The following KATNAL2 variants were observed in gnomAD, a reference collection of about 807,000 sequenced individuals.
The protein encoded by KATNAL2 is katanin p60 ATPase-containing subunit A-like 2.
In KATNAL2, 52 loss-of-function variants were observed where a neutral mutation model predicts 76.3. That is an observed-to-expected ratio of 0.68 (90% CI 0.55 to 0.86). The LOEUF (loss-of-function observed/expected upper bound fraction) is 0.86. Ranked by LOEUF, KATNAL2 falls within the 40% of genes least tolerant of loss-of-function variation. The pLI is 0.00. For missense variants in KATNAL2, 660 were observed against 668.9 expected, an observed-to-expected ratio of 0.99 and a Z score of 0.15; for synonymous variants, 243 against 244.2, an observed-to-expected ratio of 1.00 and a Z score of 0.05.
At chr18:47,045,379 G>A (rs1273343135) in intron 3 of KATNAL2, among the ~76,000 whole-genome samples, 2 of 148,168 alleles carry the variant, frequency 1.3e-5, no homozygotes, top group Non-Finnish European at 3.0e-5. Context: ...AGCTTGGAGT[G>A]CAGTGGCAAG....
At chr18:47,034,770 G>A (rs765538822) in intron 3 of KATNAL2, 8 of 1,612,506 alleles carry the variant, frequency 5.0e-6, no homozygotes, top group South Asian at 3.3e-5. Flanking sequence ...GATAGCGGCC[G>A]GAATCAGCTG....
At chr18:46,938,100 A>T (rs535703948) in intron 1 of KATNAL2, among the ~76,000 whole-genome samples, 5 of 151,540 alleles carry the variant, frequency 3.3e-5, no homozygotes, top group African/African-American at 4.8e-5. Flanking sequence ...TCAAAAAATT[A>T]AAAAAAAATG....
intron 15 of KATNAL2, among the ~76,000 whole-genome samples, chr18:47,092,477 TGACA>T (rs1361872885): frequency 6.6e-6 from 1 of 152,026 alleles, no homozygotes; most frequent in African/African-American, 2.4e-5. Context: ...CTAGGCTGGG[TGACA>T]GAGTGAGTGA....
intron 3 of KATNAL2, chr18:46,968,659 TC>T (rs142340842): frequency 8.8e-6 from 2 of 227,858 alleles, no homozygotes; most frequent in Non-Finnish European, 1.4e-5. Flanking sequence ...TTGGCCCTCC[TC>T]CCCCCAGATT....
Position 46,946,938 on chromosome 18 carries a change from T to C in KATNAL2, c.51+15T>C, listed in dbSNP as rs143094010. ...CGCGGGAAGCGGTAAGGAACGCATA[T>C]ATAAAACATGATTATACCAAGAACC... On this transcript the variant is annotated intron_variant, in intron 3 of 17. Coordinates refer to ENST00000683218, the MANE Select transcript of KATNAL2 (RefSeq NM_001387690.1). 15 of 1,479,314 alleles carry C rather than the reference T, an allele frequency of 1.0e-5. No homozygotes were observed. In the Middle Eastern group the frequency reaches 1.0e-3, roughly 101 times the overall value. The allele number at this position is 1,479,314 out of a possible 1,614,324, so 91.6% of individuals were successfully genotyped here. A position where few individuals can be genotyped will look rare whatever the true frequency, so the allele number is the denominator to read the frequency against.
chr18:47,064,291 A>C (rs1395716887), intron 10 of KATNAL2, among the ~76,000 whole-genome samples: 1 of 152,128 alleles, frequency 6.6e-6, no homozygotes, highest in Non-Finnish European at 1.5e-5. Flanking sequence ...GAAATCGCTA[A>C]GGGAAAAAGT....
chr18:47,049,234 G>C (rs1223719145), intron 4 of KATNAL2, among the ~76,000 whole-genome samples: 1 of 152,104 alleles, frequency 6.6e-6, no homozygotes, highest in South Asian at 2.1e-4. Context: ...GGAGTAATGG[G>C]GTATAGCTAA....
intron 3 of KATNAL2, among the ~76,000 whole-genome samples, chr18:46,959,447 A>G (rs2059866681): frequency 6.6e-6 from 1 of 152,076 alleles, no homozygotes; most frequent in Admixed American, 6.5e-5. Context: ...CCACATTAGT[A>G]CTCTTGGAAC....
chr18:46,944,160 C>A (rs981951462), intron 1 of KATNAL2, among the ~76,000 whole-genome samples: 2 of 152,084 alleles, frequency 1.3e-5, no homozygotes, highest in Non-Finnish European at 2.9e-5. Context: ...TGTTAACTAG[C>A]AGATTTGTGT....
chr18:47,076,711 G>C (rs1287651241), intron 14 of KATNAL2: 3 of 151,380 alleles, frequency 2.0e-5, no homozygotes, highest in African/African-American at 7.3e-5. Flanking sequence ...AGGAATTATA[G>C]TTATGGGCAA....
intron 14 of KATNAL2, among the ~76,000 whole-genome samples, chr18:47,075,932 T>G (rs975214334): frequency 1.3e-5 from 2 of 152,256 alleles, no homozygotes; most frequent in Admixed American, 1.3e-4. Context: ...GCAGGAACAC[T>G]TCTCAGACTG....
chr18:46,923,399 CTCA>C (rs2058633589), intron 1 of KATNAL2, among the ~76,000 whole-genome samples: 1 of 152,034 alleles, frequency 6.6e-6, no homozygotes, highest in Non-Finnish European at 1.5e-5. Context: ...AGGACATGAA[CTCA>C]TCATTTTTTA....
At chr18:47,034,696 C>T in intron 3 of KATNAL2, 1 of 1,613,030 alleles carries the variant, frequency 6.2e-7, no homozygotes, top group Non-Finnish European at 8.5e-7. Flanking sequence ...GGGTTGCTTC[C>T]CGGGCGCAGC....
intron 7 of KATNAL2, 145 bp downstream of exon 7, chr18:47,058,497 T>A: frequency 1.7e-6 from 1 of 595,068 alleles, no homozygotes; most frequent in Non-Finnish European, 3.0e-6. Context: ...TTTCTTCCAG[T>A]ACACTGGACT....
chr18:47,085,822 G>C (rs1035034753), intron 15 of KATNAL2, among the ~76,000 whole-genome samples: 1 of 152,104 alleles, frequency 6.6e-6, no homozygotes, highest in African/African-American at 2.4e-5. Context: ...CTATTTGCAG[G>C]CTGGGAATGG....
intron 13 of KATNAL2, among the ~76,000 whole-genome samples, chr18:47,073,422 A>T (rs1335057773): frequency 6.6e-6 from 1 of 152,184 alleles, no homozygotes; most frequent in African/African-American, 2.4e-5. Context: ...AACTCGTCTC[A>T]TTTCCTTTCA....
intron 15 of KATNAL2, among the ~76,000 whole-genome samples, chr18:47,085,561 A>G (rs2062732611): frequency 6.6e-6 from 1 of 152,074 alleles, no homozygotes; most frequent in African/African-American, 2.4e-5. Context: ...TGTCTTTTAA[A>G]GTTTTTGCAT....
intron 1 of KATNAL2, among the ~76,000 whole-genome samples, chr18:46,926,823 C>T (rs1393082254): frequency 1.3e-5 from 2 of 152,024 alleles, no homozygotes; most frequent in African/African-American, 4.8e-5. Flanking sequence ...TGAATTGATC[C>T]CTTTACCATT....
At chr18:47,060,111 C>T (rs1219890662) in intron 8 of KATNAL2, among the ~76,000 whole-genome samples, 1 of 151,904 alleles carries the variant, frequency 6.6e-6, no homozygotes, top group African/African-American at 2.4e-5. Context: ...ATCCTCTTGC[C>T]TCAGCTTCCC....
Sources: gnomAD v4.1 joint callset for allele counts (sites outside exome capture counted in the v4.1 genomes callset) on GRCh38, gnomAD v4.1.1 for gene constraint, MANE v1.5 for transcripts, NCBI Gene and HGNC (gene_info 2026-07-23, HGNC 2026-07-21) for gene names.